The following FYB1 variants were observed in gnomAD, a reference collection of about 807,000 sequenced individuals.
The protein encoded by FYB1 is FYN-binding protein 1.
In FYB1, 41 loss-of-function variants were observed where a neutral mutation model predicts 94.1. The ratio of observed to expected loss-of-function variants is 0.44; its 90% confidence interval spans 0.34 to 0.57. FYB1 has a LOEUF of 0.57. Ranked by LOEUF, FYB1 falls within the 20% of genes least tolerant of loss-of-function variation. The pLI is 0.02. For missense variants in FYB1, 1,050 were observed against 976.8 expected (o/e 1.07, Z -1.00); for synonymous variants, 367 against 353.2 (o/e 1.04, Z -0.44).
In FYB1 at chr5:39,202,943, C is replaced by T. The variant is rs16868323; in HGVS notation, c.18G>A (p.Thr6=). The change falls in exon 2 of 19, where the codon ACG becomes ACA. Residue 6 remains threonine (T), a synonymous_variant. Transcript: ENST00000512982. ...AGACATCCTCTGTCGGGTTGCCCCC[C>T]GTGTTATATTTCGCCATGAGGGACT... The part of the protein sequence containing the change: MAKYN[T]GGNPTEDVSV... 451 of 1,613,880 alleles carry T rather than the reference C, an allele frequency of 2.8e-4. 2 individuals are homozygous for T. The East Asian group carries it at 5.9e-3, about 21-fold the overall frequency.
At chr5:39,147,598 A>C (rs1351525648) in intron 3 of FYB1, among the ~76,000 whole-genome samples, 1 of 151,730 alleles carries the variant, frequency 6.6e-6, no homozygotes, top group East Asian at 1.9e-4. Flanking sequence ...CTTTTATGCT[A>C]TTAAGACATC....
chr5:39,237,272 C>A (rs1185714099), intron 1 of FYB1, among the ~76,000 whole-genome samples: 3 of 151,924 alleles, frequency 2.0e-5, no homozygotes, highest in African/African-American at 7.3e-5. Context: ...GGGGATGTTA[C>A]AATAATCTAA....
intron 16 of FYB1, among the ~76,000 whole-genome samples, chr5:39,112,304 G>C (rs1182488727): frequency 6.6e-6 from 1 of 151,952 alleles, no homozygotes; most frequent in African/African-American, 2.4e-5. Context: ...AAAACAAATT[G>C]GAAAATAACA....
intron 3 of FYB1, among the ~76,000 whole-genome samples, chr5:39,144,897 A>G (rs1742510159): frequency 6.6e-6 from 1 of 152,182 alleles, no homozygotes; most frequent in Non-Finnish European, 1.5e-5. Context: ...TAAAACACAT[A>G]TATGTTGTAA....
chr5:39,262,657 T>C (rs1752272182), intron 1 of FYB1, among the ~76,000 whole-genome samples: 2 of 152,114 alleles, frequency 1.3e-5, no homozygotes, highest in Admixed American at 6.5e-5. Context: ...CTGTTTGAAA[T>C]TGAAAATAAT....
intron 1 of FYB1, among the ~76,000 whole-genome samples, chr5:39,234,925 C>A (rs998511946): frequency 6.6e-6 from 1 of 151,756 alleles, no homozygotes; most frequent in African/African-American, 2.4e-5. Flanking sequence ...AGTATTAGAA[C>A]AAATACCTAA....
intron 18 of FYB1, 92 bp from the exon 19 acceptor site, chr5:39,107,557 C>T: frequency 1.3e-6 from 1 of 748,942 alleles, no homozygotes; most frequent in African/African-American, 1.8e-5. Flanking sequence ...TCATACTCTC[C>T]TGGTTAAGGA....
chr5:39,215,133 G>A (rs965215069), intron 1 of FYB1, among the ~76,000 whole-genome samples: 1 of 152,106 alleles, frequency 6.6e-6, no homozygotes, highest in East Asian at 1.9e-4. Flanking sequence ...CAATGCGAAT[G>A]TATGTAATGC....
chr5:39,224,406 A>G (rs1429018172), upstream of FYB1, among the ~76,000 whole-genome samples: 1 of 152,152 alleles, frequency 6.6e-6, no homozygotes, highest in Non-Finnish European at 1.5e-5. Flanking sequence ...GTGGCCTCCC[A>G]AGCTTCGCCA....
rs574530895 is a variant in FYB1 at position 39,159,427 on chromosome 5, T to C, written c.1136-5823A>G. On this transcript the variant is annotated intron_variant, in intron 2 of 18. Transcript: ENST00000512982. ...AGTGGACACTTAATGGAATCTCTTA[T>C]GGTTGCATGGCCACATACAGTCATT... Among the ~76,000 whole-genome samples the C allele has an allele frequency of 2.6e-5, 4 of 152,346 alleles. No homozygotes were observed. In the South Asian group the frequency reaches 8.3e-4, roughly 32 times the overall value.
intron 16 of FYB1, among the ~76,000 whole-genome samples, chr5:39,114,182 T>C (rs1317681917): frequency 1.3e-5 from 2 of 152,210 alleles, no homozygotes; most frequent in Non-Finnish European, 2.9e-5. Flanking sequence ...AAGTATCTTA[T>C]TCTACATCTT....
At chr5:39,194,928 G>A (rs544600476) in intron 2 of FYB1, among the ~76,000 whole-genome samples, 2 of 152,220 alleles carry the variant, frequency 1.3e-5, no homozygotes, top group South Asian at 2.1e-4. Flanking sequence ...AATTGGGCTC[G>A]GGCTGGAGTA....
At chr5:39,247,402 A>G (rs952036621) in intron 1 of FYB1, among the ~76,000 whole-genome samples, 1 of 152,072 alleles carries the variant, frequency 6.6e-6, no homozygotes, top group East Asian at 1.9e-4. Context: ...TAAAATCTTT[A>G]GTACGTATGC....
chr5:39,174,242 C>A (rs2150406039), intron 2 of FYB1, among the ~76,000 whole-genome samples: 1 of 152,202 alleles, frequency 6.6e-6, no homozygotes, highest in Middle Eastern at 3.4e-3. Flanking sequence ...TGATTTGGTT[C>A]TCTGCTAGAA....
chr5:39,169,445 C>T (rs930365259), intron 2 of FYB1: 37 of 729,356 alleles, frequency 5.1e-5, no homozygotes, highest in Non-Finnish European at 9.1e-5. Context: ...GAACATTTCA[C>T]AGAAGAGTGC....
intron 2 of FYB1, among the ~76,000 whole-genome samples, chr5:39,192,388 CT>C (rs1378263048): frequency 6.6e-6 from 1 of 152,070 alleles, no homozygotes; most frequent in Non-Finnish European, 1.5e-5. Context: ...GCATCTCATA[CT>C]TTATTTGAGG....
intron 16 of FYB1, 60 bp from the exon 17 acceptor site, chr5:39,110,449 T>A: frequency 9.1e-7 from 1 of 1,097,836 alleles, no homozygotes; most frequent in Non-Finnish European, 1.4e-6. Context: ...TCTTTAGTAC[T>A]TTTTTCAGGA....
At chr5:39,135,805 G>A (rs1009879290) in intron 7 of FYB1, among the ~76,000 whole-genome samples, 4 of 152,156 alleles carry the variant, frequency 2.6e-5, no homozygotes, top group East Asian at 1.9e-4. Flanking sequence ...ATGCTGATGA[G>A]GCTCAGTTCT....
At chr5:39,117,965 A>G (rs1237203320) in intron 16 of FYB1, among the ~76,000 whole-genome samples, 5 of 152,096 alleles carry the variant, frequency 3.3e-5, no homozygotes, top group African/African-American at 1.2e-4. Flanking sequence ...CAGTGCGATC[A>G]TGGCTCACTG....
Sources: allele counts gnomAD v4.1 joint callset (sites outside exome capture counted in the v4.1 genomes callset), GRCh38; gene constraint gnomAD v4.1.1; transcripts MANE v1.5; gene names NCBI Gene and HGNC (gene_info 2026-07-23, HGNC 2026-07-21).